The following TRPM3 variants were observed in gnomAD, a reference collection of about 807,000 sequenced individuals.
TRPM3 encodes the protein long transient receptor potential channel 3.
TRPM3 carries 77 observed loss-of-function variants against 181.2 expected under a neutral mutation model. That is an observed-to-expected ratio of 0.42 (90% CI 0.35 to 0.51). TRPM3 has a LOEUF of 0.51. Among genes scored for constraint, TRPM3 ranks in the 20% least tolerant of loss-of-function variants. The pLI is 0.01. For missense variants in TRPM3, 1,759 were observed against 2,196.7 expected (o/e 0.80, Z 3.98); for synonymous variants, 745 against 796.4 (o/e 0.94, Z 1.09).
chr9:70,615,323 G>C (rs140877687), intron 18 of TRPM3, among the ~76,000 whole-genome samples: 1 of 152,314 alleles, frequency 6.6e-6, no homozygotes, highest in Non-Finnish European at 1.5e-5. Context: ...TGGCAGTCAC[G>C]CTGCTCAGGC....
At chr9:71,234,628 C>T (rs1215712231) in intron 1 of TRPM3, among the ~76,000 whole-genome samples, 1 of 152,066 alleles carries the variant, frequency 6.6e-6, no homozygotes, top group Non-Finnish European at 1.5e-5. Flanking sequence ...TTTCTGTATC[C>T]TAATCTCTTC....
intron 1 of TRPM3, among the ~76,000 whole-genome samples, chr9:71,254,837 G>A (rs1017016224): frequency 1.3e-5 from 2 of 152,082 alleles, no homozygotes; most frequent in African/African-American, 2.4e-5. Flanking sequence ...AGAAAAGAAA[G>A]AAGGTGGAAT....
chr9:71,189,885 CA>C (rs1382353891), intron 1 of TRPM3, among the ~76,000 whole-genome samples: 1 of 151,792 alleles, frequency 6.6e-6, no homozygotes, highest in Non-Finnish European at 1.5e-5. Flanking sequence ...CTTCTATCTC[CA>C]AGACTTTACA....
chr9:71,364,562 A>T (rs1431178), intron 1 of TRPM3, among the ~76,000 whole-genome samples: 1 of 152,134 alleles, frequency 6.6e-6, no homozygotes, highest in South Asian at 2.1e-4. Flanking sequence ...GACTATAAAG[A>T]ATCATAAATC....
At chr9:70,761,759 C>A in intron 7 of TRPM3, 35 bp from the exon 8 acceptor site, 5 of 1,590,146 alleles carry the variant, frequency 3.1e-6, no homozygotes, top group East Asian at 2.3e-5. Context: ...GCAGGTCAAC[C>A]AACTCCTATT....
chr9:71,390,902 T>C (rs10122611), intron 1 of TRPM3, among the ~76,000 whole-genome samples: 3,566 of 151,646 alleles, frequency 0.024, 88 homozygotes, highest in African/African-American at 0.059. Flanking sequence ...CCCTAGTGAG[T>C]GTGGGGAAAA....
intron 10 of TRPM3, among the ~76,000 whole-genome samples, chr9:70,640,000 C>T: frequency 6.6e-6 from 1 of 152,168 alleles, no homozygotes; most frequent in East Asian, 1.9e-4. Flanking sequence ...CACCTGATGG[C>T]CAATCTCTCA....
Position 70,991,561 on chromosome 9 carries a change from T to TTTTG in TRPM3, c.178-127051_178-127050insCAAA, listed in dbSNP as rs1554792547. Among the ~76,000 whole-genome samples the TTTTG allele has an allele frequency of 6.0e-5, 9 of 149,906 alleles. No individual in the cohort carries two copies. The East Asian group carries it at 1.4e-3, about 23-fold the overall frequency. ...TTTGAAATACTATGTGTCTGTTTTT[T>TTTTG]TTTTTTTTTTTTGAGTACTAATAAG... On this transcript the variant is annotated intron_variant, in intron 1 of 25. Coordinates refer to ENST00000677713, the MANE Select transcript of TRPM3 (RefSeq NM_001366145.2).
intron 1 of TRPM3, among the ~76,000 whole-genome samples, chr9:71,306,899 T>C (rs1452462091): frequency 6.6e-6 from 1 of 152,172 alleles, no homozygotes; most frequent in African/African-American, 2.4e-5. Flanking sequence ...AAACACCTTA[T>C]AGTATCTGGT....
At chr9:71,270,119 G>A (rs979923122) in intron 1 of TRPM3, among the ~76,000 whole-genome samples, 9 of 152,104 alleles carry the variant, frequency 5.9e-5, no homozygotes, top group African/African-American at 2.2e-4. Context: ...GGAGGCCAAG[G>A]CAGGCTCATC....
intron 9 of TRPM3, among the ~76,000 whole-genome samples, chr9:70,677,640 G>C (rs1475523525): frequency 6.6e-6 from 1 of 152,230 alleles, no homozygotes; most frequent in Admixed American, 6.5e-5. Context: ...TATTTCTACA[G>C]AGCTGTTCAT....
At chr9:71,092,067 G>A (rs1373804538) in intron 1 of TRPM3, among the ~76,000 whole-genome samples, 3 of 152,172 alleles carry the variant, frequency 2.0e-5, no homozygotes, top group East Asian at 1.9e-4. Context: ...TGGATAGTGA[G>A]TCTCTTTTAG....
At chr9:71,023,135 A>G (rs1455947006) in intron 1 of TRPM3, among the ~76,000 whole-genome samples, 1 of 152,228 alleles carries the variant, frequency 6.6e-6, no homozygotes, top group East Asian at 1.9e-4. Context: ...GAACTCTCAA[A>G]ACCCCCAAGT....
intron 1 of TRPM3, among the ~76,000 whole-genome samples, chr9:71,417,480 A>G (rs910854549): frequency 3.3e-5 from 5 of 151,984 alleles, no homozygotes; most frequent in African/African-American, 1.2e-4. Context: ...AACAGTGACT[A>G]TTTTGTTGAA....
chr9:71,111,626 G>A (rs971101969), intron 1 of TRPM3, among the ~76,000 whole-genome samples: 9 of 152,232 alleles, frequency 5.9e-5, no homozygotes, highest in Admixed American at 2.6e-4. Flanking sequence ...CTGTTTTAAC[G>A]AAACATCATT....
intron 9 of TRPM3, among the ~76,000 whole-genome samples, chr9:70,663,560 T>A (rs2061413406): frequency 6.6e-6 from 1 of 152,122 alleles, no homozygotes; most frequent in African/African-American, 2.4e-5. Flanking sequence ...AATCCAGGAG[T>A]CTCTTTCATT....
At chr9:71,332,376 G>GGTGTGT (rs3041716) in intron 1 of TRPM3, among the ~76,000 whole-genome samples, 4,892 of 142,288 alleles carry the variant, frequency 0.034, 139 homozygotes, top group Non-Finnish European at 0.043. Context: ...TTCAATGTTG[G>GGTGTGT]GTGTGTGTGT....
chr9:70,592,930 C>T (rs972066888), intron 21 of TRPM3, among the ~76,000 whole-genome samples: 1 of 152,054 alleles, frequency 6.6e-6, no homozygotes, highest in African/African-American at 2.4e-5. Flanking sequence ...TGGGGTTTCA[C>T]CATCTTGGCC....
intron 1 of TRPM3, among the ~76,000 whole-genome samples, chr9:71,055,798 T>C (rs2060593813): frequency 6.6e-6 from 1 of 152,012 alleles, no homozygotes; most frequent in African/African-American, 2.4e-5. Context: ...GAATGAATGA[T>C]TTGGGAGTAA....
Sources: gnomAD v4.1 joint callset for allele counts (sites outside exome capture counted in the v4.1 genomes callset) on GRCh38, gnomAD v4.1.1 for gene constraint, MANE v1.5 for transcripts, NCBI Gene and HGNC (gene_info 2026-07-23, HGNC 2026-07-21) for gene names.